The following WFDC2 variants were observed in gnomAD, a reference collection of about 807,000 sequenced individuals.
WFDC2 encodes WAP four-disulfide core domain protein 2.
A neutral mutation model predicts 12.5 loss-of-function variants in WFDC2; 8 were observed. The observed-to-expected ratio is 0.64, with a 90% CI of 0.37 to 1.15. The LOEUF (loss-of-function observed/expected upper bound fraction) is 1.15, where lower values mean the gene tolerates loss of function less well. Ranked by LOEUF, WFDC2 falls within the 50% of genes most tolerant of loss-of-function variation. WFDC2 has a pLI of 0.01. For synonymous variants in WFDC2, 74 were observed against 67.2 expected, an observed-to-expected ratio of 1.10 and a Z score of -0.49; for missense variants, 166 against 159.9, an observed-to-expected ratio of 1.04 and a Z score of -0.21.
At chr20:45,478,181 A>C (rs2145506171) in intron 2 of WFDC2, among the ~76,000 whole-genome samples, 1 of 152,094 alleles carries the variant, frequency 6.6e-6, no homozygotes, top group South Asian at 2.1e-4. Flanking sequence ...GTTCTGTCTC[A>C]CTGGCATTCC....
At chr20:45,478,415 G>C (rs142516993) in intron 2 of WFDC2, among the ~76,000 whole-genome samples, 296 of 152,242 alleles carry the variant, frequency 1.9e-3, no homozygotes, top group Non-Finnish European at 3.7e-3. Context: ...CTAGGGGAGG[G>C]AGTTCCCTGA....
intron 2 of WFDC2, among the ~76,000 whole-genome samples, chr20:45,473,273 T>C (rs1275106804): frequency 6.6e-6 from 1 of 152,252 alleles, no homozygotes; most frequent in African/African-American, 2.4e-5. Flanking sequence ...ATGTCCTGAA[T>C]GGTATTGCCT....
intron 2 of WFDC2, among the ~76,000 whole-genome samples, chr20:45,474,419 C>T (rs1284236758): frequency 1.3e-5 from 2 of 152,154 alleles, no homozygotes; most frequent in Non-Finnish European, 2.9e-5. Flanking sequence ...GCCTTTTCTG[C>T]ATCTATTGAG....
chr20:45,477,742 G>A (rs948827349), intron 2 of WFDC2, among the ~76,000 whole-genome samples: 1 of 150,122 alleles, frequency 6.7e-6, no homozygotes, highest in African/African-American at 2.5e-5. Context: ...CCGGCAGGCA[G>A]GCTGAAGCCA....
intron 2 of WFDC2, chr20:45,479,469 G>A (rs557998726): frequency 5.3e-6 from 3 of 568,348 alleles, no homozygotes; most frequent in Non-Finnish European, 6.2e-6. Flanking sequence ...GGATTATTGT[G>A]AGAATTAGAA....
intron 2 of WFDC2, among the ~76,000 whole-genome samples, chr20:45,478,656 C>T (rs559656218): frequency 5.9e-5 from 9 of 151,730 alleles, no homozygotes; most frequent in East Asian, 3.9e-4. Context: ...GATGGAGTCT[C>T]GCTCTGTCGC....
At chr20:45,475,558 C>T (rs774232283) in intron 2 of WFDC2, among the ~76,000 whole-genome samples, 94 of 151,840 alleles carry the variant, frequency 6.2e-4, no homozygotes, top group African/African-American at 1.9e-3. Context: ...TTAGGATTTC[C>T]GTTCTTTTGC....
At chr20:45,471,157 A>G (rs977471376) in intron 2 of WFDC2, 1 of 471,310 alleles carries the variant, frequency 2.1e-6, no homozygotes, top group South Asian at 1.5e-5. Flanking sequence ...TTTCAGGCCA[A>G]CTGGCTGAGT....
intron 2 of WFDC2, chr20:45,471,152 G>A (rs1484179343): frequency 2.1e-6 from 1 of 471,312 alleles, no homozygotes; most frequent in South Asian, 1.5e-5. Flanking sequence ...TTGCCTTTCA[G>A]GCCAACTGGC....
chr20:45,475,065 C>G (rs1403843619), intron 2 of WFDC2, among the ~76,000 whole-genome samples: 1 of 152,040 alleles, frequency 6.6e-6, no homozygotes, highest in Non-Finnish European at 1.5e-5. Context: ...TGATTCTTCT[C>G]TCTTTTCTTT....
intron 2 of WFDC2, among the ~76,000 whole-genome samples, chr20:45,473,416 C>A (rs191521295): frequency 2.6e-5 from 4 of 152,172 alleles, no homozygotes; most frequent in Admixed American, 2.6e-4. Context: ...GCCAGTTTTC[C>A]CAACACCATT....
rs1991150382 is a variant in WFDC2, at chr20:45,470,292, G to C, written c.80-97G>C. Reference sequence around the variant, plus strand: ...AAGGGGACTCCTAGGGCCAGAGACTGAGAATTCCTTGGGGTTAAGGTTTGG... The same window carrying C: ...AAGGGGACTCCTAGGGCCAGAGACTCAGAATTCCTTGGGGTTAAGGTTTGG... On this transcript the variant is annotated intron_variant, in intron 1 of 3. Transcript: ENST00000372676. The surrounding 1 kb of genome is among the most constrained non-coding windows in gnomAD (Gnocchi z 5.4). The C allele has an allele frequency of 6.8e-7, 1 of 1,460,940 alleles. No homozygotes were observed. Among genetic ancestry groups the C allele is most frequent in the African/African-American group, 1.4e-5 (1 of 70,730 alleles). 90.5% of individuals were successfully genotyped at this position (1,460,940 alleles called of 1,614,324 possible). A position where few individuals can be genotyped will look rare whatever the true frequency, so the allele number is the denominator to read the frequency against.
Position 45,470,127 on chromosome 20 carries a change from C to T in WFDC2, c.80-262C>T, listed in dbSNP as rs909206165. 2.0e-5 allele frequency among the ~76,000 whole-genome samples: 3 copies of T among 152,162 alleles called. No homozygotes were observed. The East Asian group carries it at 5.8e-4, about 29-fold the overall frequency. ...GGGGTGGGGGCTGCTCTGCCTCGAC[C>T]TCGGAAGCTCCGAGACGCTCAGCTG... On this transcript the variant is annotated intron_variant, in intron 1 of 3. Coordinates refer to ENST00000372676, the MANE Select transcript of WFDC2 (RefSeq NM_006103.4). This position sits in a 1 kb window ranked among gnomAD's most constrained non-coding sequence, Gnocchi z 5.4.
intron 3 of WFDC2, 74 bp from the exon 4 acceptor site, chr20:45,481,297 T>A (rs558535992): frequency 1.1e-4 from 17 of 152,238 alleles, no homozygotes; most frequent in Admixed American, 9.2e-4. Flanking sequence ...GGTCTAGGAT[T>A]TAAGCTGCAG....
At chr20:45,481,252 T>C (rs2272953) in intron 3 of WFDC2, 119 bp from the exon 4 acceptor site, 24,455 of 152,198 alleles carry the variant, frequency 0.16, 2,609 homozygotes, top group East Asian at 0.42. Flanking sequence ...GGCTTTGCTG[T>C]GTGGGTGTGT....
intron 2 of WFDC2, among the ~76,000 whole-genome samples, chr20:45,475,122 A>C (rs1991217561): frequency 6.6e-6 from 1 of 151,996 alleles, no homozygotes; most frequent in African/African-American, 2.4e-5. Flanking sequence ...TTTTTCAAAA[A>C]CCCAGCTTGT....
chr20:45,479,608 C>T, intron 2 of WFDC2: 1 of 1,450,656 alleles, frequency 6.9e-7, no homozygotes, highest in Non-Finnish European at 9.7e-7. Flanking sequence ...GTTTGTTTCC[C>T]ACTGCTTTCA....
chr20:45,479,613 C>G, intron 2 of WFDC2: 2 of 1,495,188 alleles, frequency 1.3e-6, no homozygotes, highest in Non-Finnish European at 9.3e-7. Context: ...TTTCCCACTG[C>G]TTTCACAACA....
intron 1 of WFDC2, 30 bp downstream of exon 1, chr20:45,469,890 TAGA>T (rs771945939): frequency 6.4e-7 from 1 of 1,573,788 alleles, no homozygotes; most frequent in Non-Finnish European, 8.6e-7. Flanking sequence ...GCCCGGCGCC[TAGA>T]GGGGCCGAGC....
Sources: gnomAD v4.1 joint callset for allele counts (sites outside exome capture counted in the v4.1 genomes callset) on GRCh38, gnomAD v4.1.1 for gene constraint, Gnocchi (gnomAD v3.1) non-coding constraint, MANE v1.5 for transcripts, NCBI Gene and HGNC (gene_info 2026-07-23, HGNC 2026-07-21) for gene names.